Variants in TAFA1 observed in about 807,000 individuals in gnomAD.
TAFA1 encodes chemokine-like protein TAFA-1.
In TAFA1, 4 loss-of-function variants were observed where a neutral mutation model predicts 18.5. The observed-to-expected ratio is 0.22, with a 90% CI of 0.11 to 0.49. The LOEUF is 0.49. TAFA1 is among the 20% of genes least tolerant of loss of function. The pLI, the probability that TAFA1 is intolerant of heterozygous loss-of-function variation, is 0.98. For missense variants in TAFA1, 147 were observed against 169.0 expected, an observed-to-expected ratio of 0.87 and a Z score of 0.72; for synonymous variants, 56 against 55.2, an observed-to-expected ratio of 1.01 and a Z score of -0.06.
chr3:68,512,525 T>C (rs982100935), intron 3 of TAFA1, among the ~76,000 whole-genome samples: 6 of 152,142 alleles, frequency 3.9e-5, no homozygotes, highest in Admixed American at 2.6e-4. Flanking sequence ...GCCAAGAGAA[T>C]TGGCTAATAA....
intron 3 of TAFA1, among the ~76,000 whole-genome samples, chr3:68,439,302 A>T (rs988010765): frequency 2.0e-5 from 3 of 150,910 alleles, no homozygotes; most frequent in Non-Finnish European, 4.4e-5. Flanking sequence ...TTTGCATAGA[A>T]ATTTCTTCTG....
chr3:68,153,907 C>T (rs958156253), intron 2 of TAFA1, among the ~76,000 whole-genome samples: 10 of 152,060 alleles, frequency 6.6e-5, no homozygotes, highest in African/African-American at 1.9e-4. Flanking sequence ...TGTGAGTTTC[C>T]TTATATTCTG....
chr3:68,467,821 G>T (rs1362989435), intron 3 of TAFA1, among the ~76,000 whole-genome samples: 1 of 152,248 alleles, frequency 6.6e-6, no homozygotes, highest in African/African-American at 2.4e-5. Flanking sequence ...GCTAAAACGG[G>T]AAAATGCAGA....
intron 2 of TAFA1, among the ~76,000 whole-genome samples, chr3:68,322,855 A>C (rs182723614): frequency 1.6e-3 from 239 of 152,218 alleles, no homozygotes; most frequent in African/African-American, 5.5e-3. Context: ...AGACAGAAGA[A>C]TCTCTTGAAC....
rs1354849636 is a variant in TAFA1 at position 68,077,155 on chromosome 3, G to C, written c.118+70411G>C. Among the ~76,000 whole-genome samples the C allele has an allele frequency of 3.1e-3, 463 of 148,682 alleles. 3 individuals are homozygous for C. Among genetic ancestry groups the C allele is most frequent in the African/African-American group, 0.011 (427 of 40,284 alleles). On this transcript the variant is annotated intron_variant, in intron 2 of 4. Transcript: ENST00000478136. The stretch of plus-strand genomic sequence containing the variant: ...CCTTTGCCCACTTTTTGATGGGGTT[G>C]TTTGTTTTTTTCTTGTAAATTTGTT...
chr3:68,113,593 A>C (rs2065285799), intron 2 of TAFA1, among the ~76,000 whole-genome samples: 1 of 152,228 alleles, frequency 6.6e-6, no homozygotes, highest in African/African-American at 2.4e-5. Flanking sequence ...ATGATTTCAT[A>C]ACGAAAATAG....
At position 68,502,273 on chromosome 3, in the gene TAFA1, G is replaced by T. The variant is rs139431429; in HGVS notation, c.260-36483G>T. Among the ~76,000 whole-genome samples, 104 of 152,020 alleles carry T rather than the reference G, an allele frequency of 6.8e-4. 1 individual carries two copies. The highest frequency in any genetic ancestry group is 3.4e-3 in the Middle Eastern group (1 of 292). On this transcript the variant is annotated intron_variant, in intron 3 of 4. Coordinates refer to ENST00000478136, the MANE Select transcript of TAFA1 (RefSeq NM_213609.4). ...ACCCTATAATTAATTCTGTTTTACA[G>T]ATAAGGTTTATAATTACTCTTTTTA... is the stretch of plus-strand genomic sequence containing the variant.
chr3:68,346,982 C>T (rs372630183), intron 2 of TAFA1, among the ~76,000 whole-genome samples: 2 of 149,348 alleles, frequency 1.3e-5, no homozygotes, highest in East Asian at 4.2e-4. Context: ...CTAGTTCCAT[C>T]CCTTTTCTCA....
chr3:68,337,593 T>G (rs945218443), intron 2 of TAFA1, among the ~76,000 whole-genome samples: 9 of 152,202 alleles, frequency 5.9e-5, no homozygotes, highest in African/African-American at 1.4e-4. Context: ...ATCACCAAAA[T>G]TCAGGTAATA....
intron 2 of TAFA1, among the ~76,000 whole-genome samples, chr3:68,221,459 C>A (rs928835370): frequency 7.2e-5 from 11 of 152,022 alleles, no homozygotes; most frequent in African/African-American, 2.7e-4. Context: ...TTTTCTTAAG[C>A]AAATAGGGTG....
chr3:68,026,469 T>C (rs941817023), intron 2 of TAFA1, among the ~76,000 whole-genome samples: 1 of 152,116 alleles, frequency 6.6e-6, no homozygotes, highest in Non-Finnish European at 1.5e-5. Flanking sequence ...CCTTTTCTTC[T>C]GATGTAATAA....
At chr3:68,316,912 C>T (rs1459925562) in intron 2 of TAFA1, among the ~76,000 whole-genome samples, 2 of 152,068 alleles carry the variant, frequency 1.3e-5, no homozygotes, top group Non-Finnish European at 2.9e-5. Context: ...TGGTTAATGA[C>T]AAAAATAGCC....
chr3:68,430,386 G>A (rs1339183993), intron 3 of TAFA1, among the ~76,000 whole-genome samples: 1 of 151,964 alleles, frequency 6.6e-6, no homozygotes, highest in Non-Finnish European at 1.5e-5. Flanking sequence ...GAGACAGAAG[G>A]CTGAAAAGTT....
intron 2 of TAFA1, among the ~76,000 whole-genome samples, chr3:68,347,176 A>G (rs1010093717): frequency 2.6e-5 from 4 of 152,120 alleles, no homozygotes; most frequent in Non-Finnish European, 4.4e-5. Context: ...GATTTTTGCT[A>G]TTGAGTTTCT....
chr3:68,254,143 ATCTATCTATCTATC>A (rs1559579802), intron 2 of TAFA1, among the ~76,000 whole-genome samples: 87 of 145,194 alleles, frequency 6.0e-4, no homozygotes, highest in South Asian at 1.8e-3. Flanking sequence ...GTATCTATCT[ATCTATCTATCTATC>A]TGTCTATCTA....
chr3:68,456,580 C>G (rs115617547), intron 3 of TAFA1, among the ~76,000 whole-genome samples: 2 of 152,170 alleles, frequency 1.3e-5, no homozygotes, highest in African/African-American at 2.4e-5. Context: ...AGGTTTAGAT[C>G]TTTCACCTTC....
intron 3 of TAFA1, among the ~76,000 whole-genome samples, chr3:68,421,865 C>T (rs946282334): frequency 3.3e-5 from 5 of 152,008 alleles, no homozygotes; most frequent in East Asian, 1.9e-4. Context: ...TAATTGAACA[C>T]GGTGGAATTT....
intron 2 of TAFA1, among the ~76,000 whole-genome samples, chr3:68,388,195 A>G (rs1381159910): frequency 6.6e-6 from 1 of 152,134 alleles, no homozygotes; most frequent in Non-Finnish European, 1.5e-5. Context: ...AATTTTTACC[A>G]GAGAGTTTTA....
intron 2 of TAFA1, among the ~76,000 whole-genome samples, chr3:68,173,897 T>A (rs1057077376): frequency 5.3e-5 from 1 of 19,032 alleles, no homozygotes; most frequent in South Asian, 3.1e-3. Flanking sequence ...TTATAGGATA[T>A]TTAATTAAAA....
Sources: allele counts gnomAD v4.1 joint callset (sites outside exome capture counted in the v4.1 genomes callset), GRCh38; gene constraint gnomAD v4.1.1; transcripts MANE v1.5; gene names NCBI Gene and HGNC (gene_info 2026-07-23, HGNC 2026-07-21).